HYDIN: variants seen among roughly 807,000 people sequenced by gnomAD.
HYDIN encodes the protein axonemal central pair apparatus protein HYDIN.
Under a neutral mutation model 403.9 loss-of-function variants are expected in HYDIN, and 132 were observed. The observed-to-expected ratio is 0.33, with a 90% CI of 0.28 to 0.38. HYDIN has a LOEUF of 0.38. Ranked by LOEUF, HYDIN falls within the 10% of genes least tolerant of loss-of-function variation. The pLI is 1.00. For synonymous variants in HYDIN, 1,202 were observed against 1,891.7 expected (o/e 0.64, Z 9.46); for missense variants, 2,827 against 5,009.5 (o/e 0.56, Z 13.15).
At chr16:71,041,796 G>A (rs1408652895) in intron 18 of HYDIN, among the ~76,000 whole-genome samples, 2 of 151,026 alleles carry the variant, frequency 1.3e-5, no homozygotes, top group Non-Finnish European at 3.0e-5. Flanking sequence ...GTGTAACAAG[G>A]AGACACACAT....
chr16:71,031,588 T>C (rs1197504915), intron 19 of HYDIN, 91 bp downstream of exon 19: 58 of 1,351,280 alleles, frequency 4.3e-5, no homozygotes, highest in Non-Finnish European at 5.2e-5. Context: ...CTAGTTTTAA[T>C]TACTTAAAAT....
In HYDIN at chr16:70,809,806, G is replaced by T; in HGVS notation, c.14860C>A (p.Gln4954Lys). The T allele has an allele frequency of 6.2e-7, 1 of 1,613,988 alleles. No individual in the cohort carries two copies. The highest frequency in any genetic ancestry group is 8.5e-7 in the Non-Finnish European group (1 of 1,179,856). ...ILVKFINYTR[Q>K]RTEYYCRTDC... ...ACCCTGCAGTAGTATTCTGTCCTCT[G>T]CCGTGTGTAATTGATGAACTTCACA... Residue 4954 changes from glutamine to lysine, a missense_variant, in exon 85 of 86, where the codon CAG (glutamine) becomes AAG (lysine). Gln to Lys is a moderately conservative substitution (Grantham distance 53). Coordinates refer to ENST00000393567, the MANE Select transcript of HYDIN (RefSeq NM_001270974.2).
chr16:70,870,510 C>A (rs1242178058), intron 65 of HYDIN, among the ~76,000 whole-genome samples: 2 of 149,890 alleles, frequency 1.3e-5, no homozygotes, highest in Non-Finnish European at 3.0e-5. Flanking sequence ...CAAGGTGTGG[C>A]TCAGGACATG....
chr16:70,834,890 GTA>G (rs567553772), intron 78 of HYDIN, among the ~76,000 whole-genome samples: 30 of 143,510 alleles, frequency 2.1e-4, no homozygotes, highest in Non-Finnish European at 3.2e-4. Context: ...GTGTGTGTGT[GTA>G]TATATATATA....
At chr16:71,175,965 T>C in intron 4 of HYDIN, 1 of 554,958 alleles carries the variant, frequency 1.8e-6, no homozygotes, top group Non-Finnish European at 3.2e-6. Context: ...TTCTTAGTTA[T>C]TTTTATTATT....
At chr16:71,007,333 T>C (rs1263258118) in intron 23 of HYDIN, among the ~76,000 whole-genome samples, 1 of 152,184 alleles carries the variant, frequency 6.6e-6, no homozygotes, top group African/African-American at 2.4e-5. Context: ...AAGTCTTATT[T>C]ATCTTTGTAG....
intron 5 of HYDIN, among the ~76,000 whole-genome samples, chr16:71,171,401 A>G (rs2086457437): frequency 6.6e-6 from 1 of 152,150 alleles, no homozygotes; most frequent in Admixed American, 6.5e-5. Context: ...AATTGTATAT[A>G]TTTGTTTGTT....
intron 36 of HYDIN, among the ~76,000 whole-genome samples, chr16:70,968,735 C>G (rs2143975907): frequency 6.6e-6 from 1 of 152,322 alleles, no homozygotes; most frequent in East Asian, 1.9e-4. Context: ...CAAAAACGCC[C>G]AGGTTTTAAC....
intron 3 of HYDIN, among the ~76,000 whole-genome samples, chr16:71,180,299 G>A (rs905895347): frequency 6.6e-6 from 1 of 151,930 alleles, no homozygotes; most frequent in Non-Finnish European, 1.5e-5. Context: ...CAATAAAAAT[G>A]TATCAAAACT....
chr16:71,068,735 C>T (rs2082357715), intron 14 of HYDIN, among the ~76,000 whole-genome samples: 2 of 152,172 alleles, frequency 1.3e-5, no homozygotes, highest in South Asian at 4.1e-4. Flanking sequence ...ATGAGTATTC[C>T]TCAGGATGAG....
At chr16:71,004,737 T>C (rs1432622963) in intron 23 of HYDIN, among the ~76,000 whole-genome samples, 4 of 152,216 alleles carry the variant, frequency 2.6e-5, no homozygotes, top group African/African-American at 4.8e-5. Flanking sequence ...GTTAGTTTTA[T>C]AAAATAAGTT....
At chr16:71,049,198 A>T (rs997269314) in intron 18 of HYDIN, among the ~76,000 whole-genome samples, 8 of 152,276 alleles carry the variant, frequency 5.3e-5, no homozygotes, top group African/African-American at 1.9e-4. Context: ...TGAGAAAGAA[A>T]AACAGGAACG....
Position 70,829,607 on chromosome 16 carries a change from C to T in HYDIN, c.14112+11G>A, listed in dbSNP as rs368325536. 40 of 1,611,096 alleles carry T rather than the reference C, an allele frequency of 2.5e-5. No individual in the cohort carries two copies. The African/African-American group carries it at 3.2e-4, about 13-fold the overall frequency. ...CAGGAAACCAATGGGGGTGGGGGGA[C>T]CTCAGTCTACCTGGTGCTTGCGGTT... On this transcript the variant is annotated intron_variant, in intron 81 of 85. Coordinates refer to ENST00000393567, the MANE Select transcript of HYDIN (RefSeq NM_001270974.2).
intron 60 of HYDIN, among the ~76,000 whole-genome samples, chr16:70,880,310 C>T (rs1630609): frequency 5.0e-5 from 7 of 139,590 alleles, no homozygotes; most frequent in Non-Finnish European, 1.1e-4. Context: ...CTGCCTGCCT[C>T]GGCCTCCCAT....
intron 1 of HYDIN, chr16:71,204,019 C>A: frequency 3.7e-6 from 1 of 268,000 alleles, no homozygotes; most frequent in Non-Finnish European, 7.4e-6. Flanking sequence ...GAGCTGGGAT[C>A]TTGCCAATGC....
chr16:71,054,083 TA>T (rs1223546504), intron 18 of HYDIN, among the ~76,000 whole-genome samples: 5 of 152,256 alleles, frequency 3.3e-5, no homozygotes, highest in African/African-American at 1.2e-4. Flanking sequence ...GGGGAGTGGG[TA>T]TGTGTTGAGA....
In HYDIN at chr16:70,882,807, C is replaced by T. The variant is rs777933290; in HGVS notation, c.10068G>A (p.Glu3356=). The change falls in exon 60 of 86, where the codon GAG becomes GAA. Residue 3356 remains glutamate (E), a synonymous_variant. Coordinates refer to ENST00000393567, the MANE Select transcript of HYDIN (RefSeq NM_001270974.2). ...CATCCTCGACGAACAGCCCCCCGCT[C>T]TCTATGGTCTGCAGGATGTGGTGCA... ...ANLHHILQTI[E]SGGLFVEDEN... 15 of 1,511,322 alleles carry T rather than the reference C, an allele frequency of 9.9e-6. No homozygotes were observed. The highest frequency in any genetic ancestry group is 1.3e-5 in the Non-Finnish European group (14 of 1,086,394). 93.6% of individuals were successfully genotyped at this position (1,511,322 alleles called of 1,614,324 possible). A position where few individuals can be genotyped will look rare whatever the true frequency, so the allele number is the denominator to read the frequency against.
chr16:71,043,732 G>C (rs941068355), intron 18 of HYDIN, among the ~76,000 whole-genome samples: 1 of 150,154 alleles, frequency 6.7e-6, no homozygotes, highest in South Asian at 2.1e-4. Flanking sequence ...TTATGTTTTT[G>C]GTTTCTTTCT....
intron 14 of HYDIN, 73 bp from the exon 15 acceptor site, chr16:71,067,463 G>A (rs2082313523): frequency 2.4e-6 from 2 of 843,922 alleles, no homozygotes; most frequent in Non-Finnish European, 3.9e-6. Context: ...GGAGCCTCCG[G>A]AGGACTACGC....
Sources: gnomAD v4.1 joint callset for allele counts (sites outside exome capture counted in the v4.1 genomes callset) on GRCh38, gnomAD v4.1.1 for gene constraint, MANE v1.5 for transcripts, NCBI Gene and HGNC (gene_info 2026-07-23, HGNC 2026-07-21) for gene names.